ME3: variants seen among roughly 807,000 people sequenced by gnomAD.
ME3 encodes the protein malic enzyme 3.
A neutral mutation model predicts 68.9 loss-of-function variants in ME3; 48 were observed. The observed-to-expected ratio is 0.70, with a 90% CI of 0.55 to 0.89. The LOEUF (loss-of-function observed/expected upper bound fraction) is 0.89, where lower values mean the gene tolerates loss of function less well. ME3 is among the 40% of genes least tolerant of loss of function. The pLI, the probability that ME3 is intolerant of heterozygous loss-of-function variation, is 0.00. For synonymous variants in ME3, 320 were observed against 318.8 expected, an observed-to-expected ratio of 1.00 and a Z score of -0.04; for missense variants, 675 against 797.4, an observed-to-expected ratio of 0.85 and a Z score of 1.85.
chr11:86,468,480 A>T (rs532303275), intron 7 of ME3, among the ~76,000 whole-genome samples: 1 of 152,062 alleles, frequency 6.6e-6, no homozygotes. Context: ...CATCCATCCA[A>T]ACACATTCAT....
chr11:86,446,099 C>T (rs1257716143), intron 13 of ME3, among the ~76,000 whole-genome samples: 5 of 152,170 alleles, frequency 3.3e-5, no homozygotes, highest in Non-Finnish European at 7.3e-5. Flanking sequence ...ATACCCTTCA[C>T]CACTATTCCC....
At chr11:86,503,830 G>A (rs541527315) in intron 5 of ME3, among the ~76,000 whole-genome samples, 7 of 152,340 alleles carry the variant, frequency 4.6e-5, no homozygotes, top group African/African-American at 1.4e-4. Context: ...GGACTGGGGT[G>A]AGGGAGAGAT....
intron 7 of ME3, among the ~76,000 whole-genome samples, chr11:86,476,739 G>T (rs530772090): frequency 6.6e-6 from 1 of 152,172 alleles, no homozygotes; most frequent in Non-Finnish European, 1.5e-5. Flanking sequence ...GTCTGTGTTG[G>T]GGGTGGGGAT....
intron 4 of ME3, among the ~76,000 whole-genome samples, chr11:86,523,743 GA>G (rs1954508368): frequency 6.6e-6 from 1 of 152,076 alleles, no homozygotes; most frequent in African/African-American, 2.4e-5. Context: ...AGCTGATGAA[GA>G]AGGCCTTGAA....
intron 7 of ME3, among the ~76,000 whole-genome samples, chr11:86,467,845 A>G (rs1950572095): frequency 6.6e-6 from 1 of 152,166 alleles, no homozygotes; most frequent in Admixed American, 6.5e-5. Context: ...CCTCCCTCCC[A>G]TGGAGCAATT....
chr11:86,559,357 C>T (rs1957087788), intron 3 of ME3, among the ~76,000 whole-genome samples: 1 of 152,158 alleles, frequency 6.6e-6, no homozygotes. Flanking sequence ...GAAATGTTCT[C>T]CCTGAACCCC....
intron 6 of ME3, among the ~76,000 whole-genome samples, chr11:86,494,706 A>T (rs1219412555): frequency 6.8e-6 from 1 of 148,062 alleles, no homozygotes; most frequent in African/African-American, 2.7e-5. Context: ...GTGACACGCG[A>T]CTCATTAAAG....
At chr11:86,545,747 T>C (rs1956323582) in intron 4 of ME3, among the ~76,000 whole-genome samples, 1 of 152,160 alleles carries the variant, frequency 6.6e-6, no homozygotes, top group Non-Finnish European at 1.5e-5. Context: ...GCCCAAAGTA[T>C]TTATAGATTC....
chr11:86,491,282 G>A (rs1951994871), intron 6 of ME3, among the ~76,000 whole-genome samples: 1 of 152,144 alleles, frequency 6.6e-6, no homozygotes. Flanking sequence ...AGCTTTGACT[G>A]GGTCTCATGA....
At chr11:86,661,471 CATG>C (rs966597024) in intron 2 of ME3, among the ~76,000 whole-genome samples, 2 of 152,210 alleles carry the variant, frequency 1.3e-5, no homozygotes, top group African/African-American at 4.8e-5. Context: ...TTAGAAATGT[CATG>C]ATATTATTTA....
chr11:86,671,913 A>C (rs1172278906), exon 2 of ME3: 29 of 1,445,926 alleles, frequency 2.0e-5, no homozygotes, highest in Non-Finnish European at 2.5e-5. Flanking sequence ...CCAGGGAGCC[A>C]GCCGCGTGCC....
chr11:86,517,888 G>A (rs1954000434), intron 4 of ME3, among the ~76,000 whole-genome samples: 1 of 152,096 alleles, frequency 6.6e-6, no homozygotes, highest in South Asian at 2.1e-4. Context: ...GCTGGAAGGA[G>A]GCAGAGCTGG....
At chr11:86,608,137 G>T (rs762264235) in intron 2 of ME3, among the ~76,000 whole-genome samples, 6 of 152,176 alleles carry the variant, frequency 3.9e-5, no homozygotes, top group Non-Finnish European at 5.9e-5. Context: ...AATCCAGAAG[G>T]TAATTCTTAG....
intron 2 of ME3, among the ~76,000 whole-genome samples, chr11:86,650,803 T>C (rs1466492742): frequency 6.6e-6 from 1 of 152,184 alleles, no homozygotes; most frequent in Admixed American, 6.5e-5. Flanking sequence ...ATGCATCGCC[T>C]CACCCAGGAA....
At chr11:86,600,508 C>T (rs993172723) in intron 2 of ME3, among the ~76,000 whole-genome samples, 2 of 150,366 alleles carry the variant, frequency 1.3e-5, no homozygotes, top group South Asian at 2.1e-4. Flanking sequence ...TAATGGGAGA[C>T]TTTAACACCC....
At chr11:86,528,364 T>G (rs191027487) in intron 4 of ME3, among the ~76,000 whole-genome samples, 8,085 of 152,236 alleles carry the variant, frequency 0.053, 291 homozygotes, top group Non-Finnish European at 0.081. Flanking sequence ...AGCAAGTCCT[T>G]AGAGACCTAC....
chr11:86,645,908 C>G (rs1437439417), intron 2 of ME3, among the ~76,000 whole-genome samples: 1 of 152,212 alleles, frequency 6.6e-6, no homozygotes, highest in African/African-American at 2.4e-5. Context: ...TCCAGGCAAA[C>G]AGGGTCTGGA....
At chr11:86,567,242 G>GA (rs199505479) in intron 2 of ME3, among the ~76,000 whole-genome samples, 16 of 108,588 alleles carry the variant, frequency 1.5e-4, no homozygotes, top group South Asian at 6.0e-4. Context: ...AGAAAAGAAA[G>GA]AAAGGAAGGA....
At chr11:86,584,160 C>T (rs1958601336) in intron 2 of ME3, among the ~76,000 whole-genome samples, 1 of 152,064 alleles carries the variant, frequency 6.6e-6, no homozygotes, top group Non-Finnish European at 1.5e-5. Context: ...GGCTAAGGAC[C>T]TGAATAGACA....
Sources: gnomAD v4.1 joint callset for allele counts (sites outside exome capture counted in the v4.1 genomes callset) on GRCh38, gnomAD v4.1.1 for gene constraint, MANE v1.5 for transcripts, NCBI Gene and HGNC (gene_info 2026-07-23, HGNC 2026-07-21) for gene names.